CTTNBP2: variants seen among roughly 807,000 people sequenced by gnomAD.
CTTNBP2 encodes the protein cortactin binding protein 2, also known as cortactin-binding protein 2.
CTTNBP2 carries 108 observed loss-of-function variants against 156.9 expected under a neutral mutation model. The ratio of observed to expected loss-of-function variants is 0.69; its 90% CI spans 0.59 to 0.81. CTTNBP2 has a LOEUF of 0.81. Among genes scored for constraint, CTTNBP2 ranks in the 30% least tolerant of loss-of-function variants. CTTNBP2 has a pLI of 0.00. For missense variants in CTTNBP2, 1,924 were observed against 2,035.4 expected (o/e 0.95, Z 1.05); for synonymous variants, 767 against 751.8 (o/e 1.02, Z -0.33).
intron 2 of CTTNBP2, among the ~76,000 whole-genome samples, chr7:117,811,568 G>T (rs1800282278): frequency 6.6e-6 from 1 of 152,168 alleles, no homozygotes; most frequent in South Asian, 2.1e-4. Flanking sequence ...CTCCCAAAGT[G>T]CTGGGAGCCA....
chr7:117,762,225 T>A (rs1251757074), intron 9 of CTTNBP2, among the ~76,000 whole-genome samples: 2 of 152,212 alleles, frequency 1.3e-5, no homozygotes, highest in Non-Finnish European at 2.9e-5. Context: ...ACCTTCACAT[T>A]TATTCACCCA....
chr7:117,864,852 T>C (rs1804052055), intron 1 of CTTNBP2, among the ~76,000 whole-genome samples: 1 of 145,498 alleles, frequency 6.9e-6, no homozygotes, highest in Non-Finnish European at 1.5e-5. Flanking sequence ...TCTATATTCA[T>C]ATATATTCAT....
intron 2 of CTTNBP2, among the ~76,000 whole-genome samples, chr7:117,818,068 T>G (rs1800726850): frequency 6.6e-6 from 1 of 152,212 alleles, no homozygotes; most frequent in Non-Finnish European, 1.5e-5. Context: ...AAATTAGGTT[T>G]AAAAGAAAGA....
At chr7:117,750,323 G>A (rs375956586) in intron 12 of CTTNBP2, among the ~76,000 whole-genome samples, 2 of 152,178 alleles carry the variant, frequency 1.3e-5, no homozygotes, top group South Asian at 4.2e-4. Context: ...TAGGTTTTTA[G>A]GAAACACATG....
intron 14 of CTTNBP2, among the ~76,000 whole-genome samples, chr7:117,737,185 T>C (rs1023472776): frequency 6.6e-5 from 10 of 152,222 alleles, no homozygotes; most frequent in African/African-American, 2.4e-4. Flanking sequence ...TAAAGAATGC[T>C]AAAATTCTAT....
intron 14 of CTTNBP2, among the ~76,000 whole-genome samples, chr7:117,736,610 A>C (rs1584921204): frequency 1.3e-5 from 2 of 152,316 alleles, no homozygotes; most frequent in East Asian, 3.9e-4. Context: ...TCAGGATGGG[A>C]AGGACTGACT....
At position 117,792,740 on chromosome 7, in the gene CTTNBP2, C is replaced by T. The variant is rs1291116747; in HGVS notation, c.456G>A (p.Glu152=). The change falls in exon 4 of 23, where the codon GAG becomes GAA. Residue 152 remains glutamate (E), a synonymous_variant. Transcript: ENST00000160373. This position sits in a 1 kb window ranked among gnomAD's most constrained non-coding sequence, Gnocchi z 4.2. Reference sequence around the variant, plus strand: ...CAAGGCGGGCAGCCAGCTTCTTGTGCTCTTGCTCAAGGGCTTGTAGCTGAA... The same window carrying T: ...CAAGGCGGGCAGCCAGCTTCTTGTGTTCTTGCTCAAGGGCTTGTAGCTGAA... The part of the protein sequence containing the change: ...EKLQLQALEQ[E]HKKLAARLEE... 3.1e-6 allele frequency: 5 copies of T among 1,603,776 alleles called. No homozygotes were observed. Among genetic ancestry groups the T allele is most frequent in the South Asian group, 1.1e-5 (1 of 88,660 alleles).
intron 2 of CTTNBP2, among the ~76,000 whole-genome samples, chr7:117,818,562 T>G (rs1417156263): frequency 6.6e-6 from 1 of 152,088 alleles, no homozygotes; most frequent in African/African-American, 2.4e-5. Flanking sequence ...AGCCATGAAA[T>G]GGACACTGCC....
intron 3 of CTTNBP2, among the ~76,000 whole-genome samples, chr7:117,794,879 T>C (rs887782915): frequency 9.8e-6 from 1 of 101,948 alleles, no homozygotes. Flanking sequence ...ATGTATATCT[T>C]TTTTTTTTTT....
At chr7:117,713,494 TC>T (rs1562942323) in intron 22 of CTTNBP2, among the ~76,000 whole-genome samples, 1 of 152,064 alleles carries the variant, frequency 6.6e-6, no homozygotes, top group East Asian at 1.9e-4. Flanking sequence ...TAGCAGGAAA[TC>T]CTCAGTTATC....
chr7:117,833,227 C>T (rs1022102796), intron 2 of CTTNBP2, among the ~76,000 whole-genome samples: 2 of 152,182 alleles, frequency 1.3e-5, no homozygotes, highest in African/African-American at 2.4e-5. Flanking sequence ...CTGCCTCATT[C>T]GTTCCTTCCC....
At chr7:117,776,780 C>T (rs1445004715) in intron 8 of CTTNBP2, among the ~76,000 whole-genome samples, 1 of 152,112 alleles carries the variant, frequency 6.6e-6, no homozygotes, top group African/African-American at 2.4e-5. Context: ...TTCTGTTGTC[C>T]TTGTGTTTTT....
intron 2 of CTTNBP2, among the ~76,000 whole-genome samples, chr7:117,820,545 T>C (rs1800895965): frequency 6.6e-6 from 1 of 152,230 alleles, no homozygotes; most frequent in South Asian, 2.1e-4. Flanking sequence ...TGAGGCAATA[T>C]TTGTGTATGG....
Position 117,711,501 on chromosome 7 carries a change from T to C in CTTNBP2, c.*36A>G. 6.3e-7 allele frequency: 1 copy of C among 1,581,978 alleles called. No individual in the cohort carries two copies. Among genetic ancestry groups the C allele is most frequent in the South Asian group, 1.2e-5 (1 of 84,678 alleles). On this transcript the variant is annotated 3_prime_UTR_variant, in exon 23 of 23. Coordinates refer to ENST00000160373, the MANE Select transcript of CTTNBP2 (RefSeq NM_033427.3). Reference sequence around the variant, plus strand: ...TGTTGTCCTTGGTTTCTGTGTGAAATAGAGGAAGTTAATAATGAGAATATT... The same window carrying C: ...TGTTGTCCTTGGTTTCTGTGTGAAACAGAGGAAGTTAATAATGAGAATATT...
intron 8 of CTTNBP2, among the ~76,000 whole-genome samples, chr7:117,773,798 A>T (rs1797944131): frequency 6.6e-6 from 1 of 152,038 alleles, no homozygotes; most frequent in Non-Finnish European, 1.5e-5. Flanking sequence ...CTGGAAGCCC[A>T]GGGAGAGAGG....
At chr7:117,777,347 AACT>A (rs1323037273) in intron 8 of CTTNBP2, among the ~76,000 whole-genome samples, 161 bp downstream of exon 8, 1 of 152,236 alleles carries the variant, frequency 6.6e-6, no homozygotes, top group Non-Finnish European at 1.5e-5. Context: ...GACCATAAGT[AACT>A]ACTACATAGG....
intron 2 of CTTNBP2, among the ~76,000 whole-genome samples, chr7:117,833,546 C>T (rs1801748600): frequency 1.3e-5 from 2 of 151,996 alleles, no homozygotes; most frequent in South Asian, 4.1e-4. Context: ...CTTCAAGAGC[C>T]ACAGTGTCTA....
At chr7:117,854,554 A>C (rs987880153) in intron 2 of CTTNBP2, among the ~76,000 whole-genome samples, 5 of 152,208 alleles carry the variant, frequency 3.3e-5, no homozygotes, top group South Asian at 4.1e-4. Context: ...TTTTAATTTG[A>C]AAAATAAGGC....
rs898792114 is a variant in CTTNBP2, at chr7:117,791,879, T to C, written c.1317A>G (p.Pro439=). ...HSPCANTSLH[P]GLNPRIQAAR... is the part of the protein sequence containing the mutation. ...CTGCTTGGATTCGTGGGTTTAGACC[T>C]GGATGCAAAGAGGTGTTGGCACATG... The change falls in exon 4 of 23, where the codon CCA becomes CCG. Residue 439 remains proline (P), a synonymous_variant. Coordinates refer to ENST00000160373, the MANE Select transcript of CTTNBP2 (RefSeq NM_033427.3). 3.1e-6 allele frequency: 5 copies of C among 1,614,080 alleles called. No individual in the cohort carries two copies. In the Admixed American group the frequency reaches 5.0e-5, roughly 16 times the overall value.
Sources: allele counts gnomAD v4.1 joint callset (sites outside exome capture counted in the v4.1 genomes callset), GRCh38; gene constraint gnomAD v4.1.1; non-coding constraint Gnocchi (gnomAD v3.1); transcripts MANE v1.5; gene names NCBI Gene and HGNC (gene_info 2026-07-23, HGNC 2026-07-21).